The following LAPTM4B variants were observed in gnomAD, a reference collection of about 807,000 sequenced individuals.
The protein encoded by LAPTM4B is lysosomal protein transmembrane 4 beta, also known as lysosomal-associated transmembrane protein 4B.
LAPTM4B carries 26 observed loss-of-function variants against 28.5 expected under a neutral mutation model. The observed-to-expected ratio is 0.91, with a 90% CI of 0.67 to 1.27. The LOEUF (loss-of-function observed/expected upper bound fraction) is 1.27, where lower values mean the gene tolerates loss of function less well. Among genes scored for constraint, LAPTM4B ranks in the 50% most tolerant of loss-of-function variants. The pLI is 0.00. For missense variants in LAPTM4B, 288 were observed against 285.8 expected (o/e 1.01, Z -0.06); for synonymous variants, 109 against 106.4 (o/e 1.02, Z -0.15).
rs551004611 is a variant in LAPTM4B, at chr8:97,812,543, A to G, written c.212-2785A>G. Among the ~76,000 whole-genome samples the G allele has an allele frequency of 6.9e-4, 105 of 152,306 alleles. 1 individual carries two copies. The South Asian group carries it at 0.021, about 30-fold the overall frequency. On this transcript the variant is annotated intron_variant, in intron 2 of 6. Transcript: ENST00000521545. The stretch of plus-strand genomic sequence containing the variant: ...TTTCAAGGAGACTTTTTGCAAAAGT[A>G]CGCCTTTGTATGTATGAGAAGACCA...
chr8:97,841,484 C>G (rs184982098), intron 6 of LAPTM4B, among the ~76,000 whole-genome samples: 1 of 152,198 alleles, frequency 6.6e-6, no homozygotes, highest in East Asian at 1.9e-4. Context: ...CCTGCCATCA[C>G]GCCCAGCTAA....
At chr8:97,795,588 C>T (rs375472824) in intron 1 of LAPTM4B, among the ~76,000 whole-genome samples, 1 of 152,068 alleles carries the variant, frequency 6.6e-6, no homozygotes, top group African/African-American at 2.4e-5. Flanking sequence ...CGTGGTGGCT[C>T]ACACCTGTAA....
intron 1 of LAPTM4B, among the ~76,000 whole-genome samples, chr8:97,799,919 T>A (rs1216538250): frequency 6.6e-6 from 1 of 152,160 alleles, no homozygotes. Flanking sequence ...ATACTTGGAA[T>A]TGTTCTTTTC....
intron 1 of LAPTM4B, among the ~76,000 whole-genome samples, chr8:97,794,105 A>G (rs1484752610): frequency 6.6e-6 from 1 of 151,908 alleles, no homozygotes; most frequent in African/African-American, 2.4e-5. Context: ...TCAGCCTCCC[A>G]AGTAGCTGGG....
chr8:97,820,498 A>G (rs1816987320), intron 5 of LAPTM4B, among the ~76,000 whole-genome samples: 2 of 151,914 alleles, frequency 1.3e-5, no homozygotes, highest in South Asian at 4.1e-4. Context: ...GCCTCAGTAA[A>G]CTTGGGAAAG....
intron 1 of LAPTM4B, among the ~76,000 whole-genome samples, chr8:97,800,939 C>A (rs1177543061): frequency 6.6e-6 from 1 of 151,988 alleles, no homozygotes; most frequent in African/African-American, 2.4e-5. Flanking sequence ...TAGTGACACA[C>A]CCCATCTCTA....
At chr8:97,815,065 A>C (rs1288942855) in intron 2 of LAPTM4B, among the ~76,000 whole-genome samples, 1 of 152,164 alleles carries the variant, frequency 6.6e-6, no homozygotes, top group Non-Finnish European at 1.5e-5. Flanking sequence ...ATGAGTTTAC[A>C]AAATAGAAGT....
At chr8:97,813,803 ATC>A (rs1226307435) in intron 2 of LAPTM4B, among the ~76,000 whole-genome samples, 6 of 152,208 alleles carry the variant, frequency 3.9e-5, no homozygotes, top group African/African-American at 1.4e-4. Context: ...TCCCCTCTAG[ATC>A]TCTGTCGAAA....
At chr8:97,799,310 T>G (rs2129757083) in intron 1 of LAPTM4B, among the ~76,000 whole-genome samples, 1 of 152,274 alleles carries the variant, frequency 6.6e-6, no homozygotes, top group South Asian at 2.1e-4. Context: ...TTTCTAGAAT[T>G]GGGCAACACT....
At chr8:97,811,555 G>C (rs1487197502) in intron 2 of LAPTM4B, among the ~76,000 whole-genome samples, 1 of 152,128 alleles carries the variant, frequency 6.6e-6, no homozygotes. Context: ...CAACAAAAAA[G>C]AATGATGAAC....
At chr8:97,824,815 C>T (rs1353111643) in intron 5 of LAPTM4B, among the ~76,000 whole-genome samples, 1 of 151,992 alleles carries the variant, frequency 6.6e-6, no homozygotes, top group African/African-American at 2.4e-5. Context: ...CCCAACTTCC[C>T]CCAGTACCAC....
At chr8:97,785,385 C>A (rs765460339) in intron 1 of LAPTM4B, among the ~76,000 whole-genome samples, 1 of 152,106 alleles carries the variant, frequency 6.6e-6, no homozygotes, top group Non-Finnish European at 1.5e-5. Context: ...GGTAAATGTT[C>A]ATTAGAATGT....
intron 1 of LAPTM4B, among the ~76,000 whole-genome samples, chr8:97,790,116 A>G (rs189207285): frequency 8.5e-5 from 13 of 152,258 alleles, no homozygotes; most frequent in Admixed American, 5.2e-4. Flanking sequence ...TCACCTGTTG[A>G]CAGACATTTA....
At chr8:97,779,427 G>A (rs1816274720) in intron 1 of LAPTM4B, among the ~76,000 whole-genome samples, 1 of 152,128 alleles carries the variant, frequency 6.6e-6, no homozygotes, top group South Asian at 2.1e-4. Context: ...ATAGGTTGCA[G>A]TGAGCCAAGA....
chr8:97,779,089 C>A (rs879280987), intron 1 of LAPTM4B, among the ~76,000 whole-genome samples: 2 of 152,140 alleles, frequency 1.3e-5, no homozygotes, highest in Non-Finnish European at 2.9e-5. Context: ...TGTGGTGGCT[C>A]ACACCTGTAG....
chr8:97,829,593 T>C (rs192591458), intron 6 of LAPTM4B, among the ~76,000 whole-genome samples: 2 of 152,138 alleles, frequency 1.3e-5, no homozygotes, highest in East Asian at 1.9e-4. Context: ...GGGTGTGGAA[T>C]TGATGTAGGG....
intron 1 of LAPTM4B, among the ~76,000 whole-genome samples, chr8:97,799,273 C>T (rs1159119535): frequency 1.3e-5 from 2 of 152,166 alleles, no homozygotes; most frequent in Non-Finnish European, 2.9e-5. Flanking sequence ...AAAATTACAA[C>T]AATTTAGTTT....
intron 1 of LAPTM4B, among the ~76,000 whole-genome samples, chr8:97,800,258 GAAAGCACAGGCGT>G (rs1816649792): frequency 6.6e-6 from 1 of 152,126 alleles, no homozygotes; most frequent in African/African-American, 2.4e-5. Context: ...AGAGTGCGGG[GAAAGCACAGGCGT>G]AAAGCAGGTG....
chr8:97,807,228 C>A (rs1206387749), intron 2 of LAPTM4B, among the ~76,000 whole-genome samples: 1 of 152,166 alleles, frequency 6.6e-6, no homozygotes, highest in Non-Finnish European at 1.5e-5. Context: ...ATTTCCCCCT[C>A]TGCAAGATAG....
Sources: gnomAD v4.1 joint callset for allele counts (sites outside exome capture counted in the v4.1 genomes callset) on GRCh38, gnomAD v4.1.1 for gene constraint, MANE v1.5 for transcripts, NCBI Gene and HGNC (gene_info 2026-07-23, HGNC 2026-07-21) for gene names.